CAMK2D: variants seen among roughly 807,000 people sequenced by gnomAD.
CAMK2D encodes the protein calcium/calmodulin-dependent protein kinase type II subunit delta.
In CAMK2D, 37 loss-of-function variants were observed where a neutral mutation model predicts 84.0. The ratio of observed to expected loss-of-function variants is 0.44; its 90% confidence interval spans 0.34 to 0.58. The LOEUF is 0.58. CAMK2D is among the 20% of genes least tolerant of loss of function. CAMK2D has a pLI of 0.02. For synonymous variants in CAMK2D, 202 were observed against 212.5 expected (o/e 0.95, Z 0.43); for missense variants, 448 against 652.5 (o/e 0.69, Z 3.41).
intron 2 of CAMK2D, among the ~76,000 whole-genome samples, chr4:113,697,967 TATTA>T (rs2099407772): frequency 6.6e-6 from 1 of 152,094 alleles, no homozygotes; most frequent in South Asian, 2.1e-4. Context: ...TTCCTCAACT[TATTA>T]TAGAGTTACA....
At chr4:113,483,279 C>G (rs1247181843) in intron 16 of CAMK2D, among the ~76,000 whole-genome samples, 1 of 152,066 alleles carries the variant, frequency 6.6e-6, no homozygotes, top group African/African-American at 2.4e-5. Context: ...ATCTTTTTTT[C>G]TTGTTTTTAA....
chr4:113,601,126 G>A (rs28497193), intron 4 of CAMK2D, among the ~76,000 whole-genome samples: 3,389 of 152,164 alleles, frequency 0.022, 112 homozygotes, highest in African/African-American at 0.077. Flanking sequence ...GAGTCTTTAG[G>A]AGACAAGTTT....
At chr4:113,519,502 C>T (rs1026063316) in intron 8 of CAMK2D, among the ~76,000 whole-genome samples, 1 of 151,416 alleles carries the variant, frequency 6.6e-6, no homozygotes, top group Non-Finnish European at 1.5e-5. Context: ...AAAAAAAACA[C>T]TTTTAGGCCC....
At position 113,712,115 on chromosome 4, in the gene CAMK2D, C is replaced by A. The variant is rs538425065; in HGVS notation, c.160+47205G>T. 3.3e-5 allele frequency among the ~76,000 whole-genome samples: 5 copies of A among 152,166 alleles called. No homozygotes were observed. In the South Asian group the frequency reaches 1.0e-3, roughly 32 times the overall value. On this transcript the variant is annotated intron_variant, in intron 2 of 20. Coordinates refer to ENST00000511664, the MANE Select transcript of CAMK2D (RefSeq NM_001321571.2). Reference sequence around the variant, plus strand: ...TTGAACTTTCTTAAAATCTAAGTATCATTTAGAGATAAAACTCATTATGCA... The same window carrying A: ...TTGAACTTTCTTAAAATCTAAGTATAATTTAGAGATAAAACTCATTATGCA...
intron 2 of CAMK2D, chr4:113,754,994 A>G: frequency 2.0e-6 from 2 of 984,362 alleles, no homozygotes; most frequent in African/African-American, 1.7e-5. Context: ...TCAATAATGT[A>G]TAATCAGAAC....
chr4:113,586,991 A>C (rs2154248087), intron 4 of CAMK2D, among the ~76,000 whole-genome samples: 1 of 152,342 alleles, frequency 6.6e-6, no homozygotes, highest in South Asian at 2.1e-4. Flanking sequence ...TTCAAAACTA[A>C]ATGCAAGCAC....
At chr4:113,460,291 GT>G (rs1423275497) in intron 17 of CAMK2D, 50 bp from the exon 18 acceptor site, 1 of 985,034 alleles carries the variant, frequency 1.0e-6, no homozygotes, top group African/African-American at 1.6e-5. Context: ...GCTTTAATGT[GT>G]TTTGTTGTTT....
chr4:113,690,525 G>A (rs2099384208), intron 2 of CAMK2D, among the ~76,000 whole-genome samples: 1 of 152,086 alleles, frequency 6.6e-6, no homozygotes, highest in Admixed American at 6.6e-5. Flanking sequence ...GATAAACTGA[G>A]GCAACAGTAT....
intron 2 of CAMK2D, among the ~76,000 whole-genome samples, chr4:113,678,830 C>G (rs967692774): frequency 1.3e-5 from 2 of 151,540 alleles, no homozygotes; most frequent in African/African-American, 4.9e-5. Flanking sequence ...AATACAAAGA[C>G]AGAAAACTGC....
intron 2 of CAMK2D, among the ~76,000 whole-genome samples, chr4:113,702,766 G>C (rs751779043): frequency 6.6e-6 from 1 of 152,124 alleles, no homozygotes; most frequent in Non-Finnish European, 1.5e-5. Flanking sequence ...AAATTAGCTA[G>C]GCATGGTGGT....
chr4:113,668,109 C>T (rs1207788340), intron 2 of CAMK2D, among the ~76,000 whole-genome samples: 2 of 151,820 alleles, frequency 1.3e-5, no homozygotes, highest in Admixed American at 6.6e-5. Flanking sequence ...TGGAGAAGCT[C>T]AACCCCAACA....
intron 3 of CAMK2D, among the ~76,000 whole-genome samples, chr4:113,613,809 C>T (rs1055373975): frequency 6.6e-6 from 1 of 152,132 alleles, no homozygotes. Flanking sequence ...AAATCATTTT[C>T]ATTTCCAAAA....
intron 3 of CAMK2D, among the ~76,000 whole-genome samples, chr4:113,619,205 T>C (rs1374612987): frequency 1.4e-5 from 2 of 140,936 alleles, no homozygotes; most frequent in Non-Finnish European, 3.0e-5. Flanking sequence ...CTAAATATAA[T>C]AGGGTGAGAT....
At chr4:113,652,878 CAGA>C in intron 3 of CAMK2D, among the ~76,000 whole-genome samples, 1 of 152,196 alleles carries the variant, frequency 6.6e-6, no homozygotes, top group Non-Finnish European at 1.5e-5. Flanking sequence ...TCATTTGTAA[CAGA>C]AGGACTCTTT....
chr4:113,721,473 A>G (rs2099530214), intron 2 of CAMK2D, among the ~76,000 whole-genome samples: 1 of 152,158 alleles, frequency 6.6e-6, no homozygotes, highest in African/African-American at 2.4e-5. Context: ...CAATTGTGTC[A>G]CTAATACAAT....
chr4:113,667,897 T>C (rs2099263808), intron 2 of CAMK2D, among the ~76,000 whole-genome samples: 1 of 152,218 alleles, frequency 6.6e-6, no homozygotes, highest in Non-Finnish European at 1.5e-5. Flanking sequence ...TGATTGTTCT[T>C]CTTTTCATGG....
At chr4:113,495,205 T>G (rs1488300010) in intron 16 of CAMK2D, among the ~76,000 whole-genome samples, 1 of 152,190 alleles carries the variant, frequency 6.6e-6, no homozygotes, top group Admixed American at 6.5e-5. Flanking sequence ...TAAAATCAAA[T>G]TTTGGATTAG....
chr4:113,500,669 C>T (rs1347177104), intron 15 of CAMK2D, among the ~76,000 whole-genome samples, 158 bp from the exon 16 acceptor site: 1 of 152,056 alleles, frequency 6.6e-6, no homozygotes, highest in African/African-American at 2.4e-5. Flanking sequence ...TGGTTTTTAA[C>T]AGAAATAAAA....
chr4:113,517,654 A>T lies in CAMK2D; in HGVS notation c.605T>A (p.Val202Asp). ...GKPVDMWACG[V>D]ILYILLVGYP... ...CCCCACAAGTAGAATATAGAGAATG[A>T]CACCTGGAGGAGAATATAATGTTAA... is the stretch of plus-strand genomic sequence containing the variant. The change falls in exon 9 of 21, where the codon GTC becomes GAC. Residue 202 changes from valine (V) to aspartate (D), a missense_variant. Val to Asp is a radical substitution (Grantham distance 152). Coordinates refer to ENST00000511664, the MANE Select transcript of CAMK2D (RefSeq NM_001321571.2). 6.9e-7 allele frequency: 1 copy of T among 1,448,630 alleles called. No individual in the cohort carries two copies. Among genetic ancestry groups the T allele is most frequent in the East Asian group, 2.3e-5 (1 of 44,112 alleles). 89.7% of individuals were successfully genotyped at this position (1,448,630 alleles called of 1,614,324 possible).
Sources: allele counts gnomAD v4.1 joint callset (sites outside exome capture counted in the v4.1 genomes callset), GRCh38; gene constraint gnomAD v4.1.1; transcripts MANE v1.5; gene names NCBI Gene and HGNC (gene_info 2026-07-23, HGNC 2026-07-21).